The following CECR2 variants were observed in gnomAD, a reference collection of about 807,000 sequenced individuals.
The protein encoded by CECR2 is chromatin remodeling regulator CECR2.
A neutral mutation model predicts 154.5 loss-of-function variants in CECR2; 30 were observed. That is an observed-to-expected ratio of 0.19 (90% CI 0.15 to 0.26). The LOEUF (loss-of-function observed/expected upper bound fraction) is 0.26, where lower values mean the gene tolerates loss of function less well. Among genes scored for constraint, CECR2 ranks in the 10% least tolerant of loss-of-function variants. CECR2 has a pLI of 1.00. For synonymous variants in CECR2, 725 were observed against 683.7 expected (o/e 1.06, Z -0.94); for missense variants, 1,743 against 1,829.3 (o/e 0.95, Z 0.86).
chr22:17,451,709 C>A (rs566499605), intron 1 of CECR2, among the ~76,000 whole-genome samples: 1 of 152,298 alleles, frequency 6.6e-6, no homozygotes, highest in South Asian at 2.1e-4. Flanking sequence ...AATTAAATAT[C>A]ATTGCAGCAA....
rs1204197550 is a variant in CECR2, at chr22:17,541,906, C to A, written c.1952C>A (p.Ser651Tyr). Residue 651 changes from serine (S) to tyrosine (Y), a missense_variant, in exon 15 of 19, where the codon TCT (serine) becomes TAT (tyrosine). Transcript: ENST00000262608. ...GATCCTGCCACCTTGTATGGCTCCTCTGGAGTCCCGGAGCCACACCCCGGG... is the reference window on the plus strand; with the variant it reads ...GATCCTGCCACCTTGTATGGCTCCTATGGAGTCCCGGAGCCACACCCCGGG... ...GSDPATLYGS[S>Y]GVPEPHPGEP... 1.2e-6 allele frequency: 2 copies of A among 1,613,970 alleles called. No individual in the cohort carries two copies. The highest frequency in any genetic ancestry group is 1.7e-5 in the Admixed American group (1 of 60,024).
chr22:17,463,648 A>G (rs769230121), intron 1 of CECR2, among the ~76,000 whole-genome samples: 24 of 152,108 alleles, frequency 1.6e-4, no homozygotes, highest in Non-Finnish European at 3.1e-4. Flanking sequence ...GTGAGATCCA[A>G]AGCTCGGTTT....
chr22:17,470,121 C>A (rs1209479860), intron 1 of CECR2, among the ~76,000 whole-genome samples: 5 of 152,028 alleles, frequency 3.3e-5, no homozygotes, highest in African/African-American at 1.2e-4. Context: ...CACTCAAAGA[C>A]ACACACACTG....
At chr22:17,490,388 C>T (rs763301871) in intron 2 of CECR2, among the ~76,000 whole-genome samples, 1 of 152,018 alleles carries the variant, frequency 6.6e-6, no homozygotes, top group Non-Finnish European at 1.5e-5. Context: ...CTTTCTCATG[C>T]TTACTGTGCC....
chr22:17,443,823 A>T (rs1601366317), intron 1 of CECR2, among the ~76,000 whole-genome samples: 2 of 152,110 alleles, frequency 1.3e-5, no homozygotes, highest in East Asian at 3.9e-4. Flanking sequence ...TCAGCCTGAC[A>T]AGCTGAGGGG....
chr22:17,500,618 T>C lies in CECR2; in HGVS notation c.546-13T>C, dbSNP rs373627384. On this transcript the variant is annotated splice_polypyrimidine_tract_variant and intron_variant, in intron 4 of 18. Coordinates refer to ENST00000262608, the MANE Select transcript of CECR2 (RefSeq NM_001290047.2). ...CCTGTGCCAGAACATTTCTATTTAA[T>C]ATTATTTATTAGGGAAAGTGAAGGA... 4.0e-5 allele frequency: 60 copies of C among 1,499,152 alleles called. 2 individuals are homozygous for C. The highest frequency in any genetic ancestry group is 3.4e-4 in the South Asian group (27 of 80,424). 92.9% of individuals were successfully genotyped at this position (1,499,152 alleles called of 1,614,324 possible).
At chr22:17,480,923 C>T (rs1408512316) in intron 2 of CECR2, among the ~76,000 whole-genome samples, 2 of 151,726 alleles carry the variant, frequency 1.3e-5, no homozygotes, top group Admixed American at 6.6e-5. Context: ...GCCTGTAGTC[C>T]CAGCTACTCA....
intron 1 of CECR2, among the ~76,000 whole-genome samples, chr22:17,372,300 C>A: frequency 6.6e-6 from 1 of 152,164 alleles, no homozygotes; most frequent in East Asian, 1.9e-4. Context: ...TTTTAACTTA[C>A]GCTTTTTAGT....
chr22:17,381,214 C>T (rs923112851), intron 1 of CECR2, among the ~76,000 whole-genome samples: 5 of 152,188 alleles, frequency 3.3e-5, no homozygotes, highest in African/African-American at 1.2e-4. Flanking sequence ...TTAGTATCCA[C>T]ACGAATGTAC....
At chr22:17,388,822 A>G (rs1022195434) in intron 1 of CECR2, among the ~76,000 whole-genome samples, 1 of 150,618 alleles carries the variant, frequency 6.6e-6, no homozygotes, top group South Asian at 2.1e-4. Flanking sequence ...TTATTTTAGT[A>G]TTTTTTTTTG....
chr22:17,528,476 T>C (rs2056301435), intron 9 of CECR2, among the ~76,000 whole-genome samples: 1 of 152,148 alleles, frequency 6.6e-6, no homozygotes, highest in Non-Finnish European at 1.5e-5. Flanking sequence ...TTATTATGAA[T>C]GAATATGATC....
chr22:17,474,449 C>T (rs559041892), intron 1 of CECR2, among the ~76,000 whole-genome samples: 189 of 152,232 alleles, frequency 1.2e-3, no homozygotes, highest in African/African-American at 4.3e-3. Flanking sequence ...CTTTGAGGGA[C>T]CATTTAAGCC....
intron 1 of CECR2, among the ~76,000 whole-genome samples, chr22:17,445,295 G>A (rs5747152): frequency 0.28 from 43,127 of 151,780 alleles, 8,492 homozygotes; most frequent in East Asian, 0.54. Context: ...ATTGCTTGAG[G>A]CCAGGAGACC....
intron 3 of CECR2, among the ~76,000 whole-genome samples, chr22:17,497,822 T>C (rs958806235): frequency 1.3e-4 from 20 of 152,210 alleles, no homozygotes; most frequent in African/African-American, 3.9e-4. Flanking sequence ...TCTGGTTTCA[T>C]CTTCCTTTAC....
chr22:17,371,279 A>T (rs956194145), intron 1 of CECR2, among the ~76,000 whole-genome samples: 1 of 152,212 alleles, frequency 6.6e-6, no homozygotes, highest in Admixed American at 6.5e-5. Context: ...CAGATAGTCT[A>T]GGGCCACTCA....
At chr22:17,469,571 A>T (rs897855665) in intron 1 of CECR2, among the ~76,000 whole-genome samples, 5 of 148,908 alleles carry the variant, frequency 3.4e-5, no homozygotes, top group Non-Finnish European at 7.4e-5. Flanking sequence ...CATACAGCGC[A>T]TCCTCTTTTG....
At chr22:17,401,815 G>C (rs1404351971) in intron 1 of CECR2, among the ~76,000 whole-genome samples, 3 of 147,806 alleles carry the variant, frequency 2.0e-5, no homozygotes. Flanking sequence ...CATATGGTAG[G>C]TGAATATTTA....
chr22:17,399,417 T>A (rs1379560376), intron 1 of CECR2, among the ~76,000 whole-genome samples: 1 of 36,640 alleles, frequency 2.7e-5, no homozygotes, highest in Non-Finnish European at 5.1e-5. Context: ...GTAATGGTGA[T>A]TTTTTTTTTT....
intron 2 of CECR2, among the ~76,000 whole-genome samples, chr22:17,486,427 C>T (rs1447178838): frequency 6.6e-6 from 1 of 152,310 alleles, no homozygotes; most frequent in African/African-American, 2.4e-5. Context: ...GCTGTGGAAC[C>T]CTGTGTGCCT....
Sources: gnomAD v4.1 joint callset for allele counts (sites outside exome capture counted in the v4.1 genomes callset) on GRCh38, gnomAD v4.1.1 for gene constraint, MANE v1.5 for transcripts, NCBI Gene and HGNC (gene_info 2026-07-23, HGNC 2026-07-21) for gene names.